CCDC192: variants seen among roughly 807,000 people sequenced by gnomAD.
CCDC192 encodes the protein coiled-coil domain-containing protein 192.
In CCDC192 at chr5:127,884,342, C is replaced by CAAAAAAAAAAAAAAAAAAAAAAA. The variant is rs778430655; in HGVS notation, c.535+8686_535+8708dup. Among the ~76,000 whole-genome samples, 9 of 11,852 alleles carry CAAAAAAAAAAAAAAAAAAAAAAA rather than the reference C, an allele frequency of 7.6e-4. 2 individuals carry two copies. Among genetic ancestry groups the CAAAAAAAAAAAAAAAAAAAAAAA allele is most frequent in the Admixed American group, 3.0e-3 (2 of 656 alleles). 7.8% of individuals were successfully genotyped at this position (11,852 alleles called of 152,430 possible). On this transcript the variant is annotated intron_variant, in intron 6 of 6. Coordinates refer to ENST00000514853, the MANE Select transcript of CCDC192 (RefSeq NM_001317938.2). ...TGGGCGACAGAGCAAGACTCCGTCT[C>CAAAAAAAAAAAAAAAAAAAAAAA]AAAAAAAAAAAAAAAAAAAAAAAAA...
At chr5:127,728,750 G>T (rs1271881323) in intron 2 of CCDC192, among the ~76,000 whole-genome samples, 1 of 152,106 alleles carries the variant, frequency 6.6e-6, no homozygotes, top group Non-Finnish European at 1.5e-5. Flanking sequence ...ACACAGAATG[G>T]CAGGCTGAAT....
At chr5:127,920,887 C>T (rs988667262) in intron 6 of CCDC192, among the ~76,000 whole-genome samples, 2 of 151,454 alleles carry the variant, frequency 1.3e-5, no homozygotes, top group Admixed American at 6.6e-5. Flanking sequence ...GGGGTGAAGC[C>T]CTATTTCTCC....
At chr5:127,732,834 C>A (rs936888626) in intron 2 of CCDC192, among the ~76,000 whole-genome samples, 2 of 151,988 alleles carry the variant, frequency 1.3e-5, no homozygotes, top group Non-Finnish European at 2.9e-5. Flanking sequence ...CACACTGGGG[C>A]CTGCAAGGGT....
chr5:127,754,472 T>TACACAC (rs368830307), intron 3 of CCDC192, 97 bp downstream of exon 3: 5 of 327,220 alleles, frequency 1.5e-5, no homozygotes, highest in African/African-American at 8.8e-5. Flanking sequence ...CCTCTACTGA[T>TACACAC]ACACACACAC....
At chr5:127,908,468 T>C (rs1753259002) in intron 6 of CCDC192, among the ~76,000 whole-genome samples, 1 of 152,206 alleles carries the variant, frequency 6.6e-6, no homozygotes, top group Non-Finnish European at 1.5e-5. Context: ...ATTCTTTTAC[T>C]TTCCCAAAAC....
chr5:127,897,277 C>G (rs936371604), intron 6 of CCDC192, among the ~76,000 whole-genome samples: 1 of 151,668 alleles, frequency 6.6e-6, no homozygotes, highest in Non-Finnish European at 1.5e-5. Context: ...TTCAGCCCCC[C>G]GAGAATAAAA....
At chr5:127,704,290 G>A (rs1312638023) in intron 1 of CCDC192, among the ~76,000 whole-genome samples, 2 of 152,222 alleles carry the variant, frequency 1.3e-5, no homozygotes, top group South Asian at 4.2e-4. Flanking sequence ...CCGGGTTCAA[G>A]TGATTCTCCC....
intron 5 of CCDC192, chr5:127,857,917 A>G (rs2127098174): frequency 1.3e-5 from 2 of 152,562 alleles, no homozygotes; most frequent in East Asian, 3.9e-4. Context: ...ATACCCTCAC[A>G]GCACATCTAT....
At chr5:127,749,647 T>A (rs1458384867) in intron 2 of CCDC192, among the ~76,000 whole-genome samples, 1 of 152,080 alleles carries the variant, frequency 6.6e-6, no homozygotes, top group African/African-American at 2.4e-5. Context: ...TAGGGAGGAT[T>A]CCCTCTTTTT....
chr5:127,716,944 C>T (rs995467035), intron 2 of CCDC192, among the ~76,000 whole-genome samples: 1 of 152,272 alleles, frequency 6.6e-6, no homozygotes, highest in South Asian at 2.1e-4. Context: ...GACTCTGTTT[C>T]CTGGAACCCT....
At chr5:127,723,353 T>A (rs1469389825) in intron 2 of CCDC192, among the ~76,000 whole-genome samples, 1 of 152,224 alleles carries the variant, frequency 6.6e-6, no homozygotes, top group Non-Finnish European at 1.5e-5. Context: ...TAATAGCTAT[T>A]TTTTATGAAG....
chr5:127,822,849 C>T (rs1245168155), intron 5 of CCDC192, among the ~76,000 whole-genome samples: 1 of 152,178 alleles, frequency 6.6e-6, no homozygotes, highest in Non-Finnish European at 1.5e-5. Flanking sequence ...AGGCTCTGCC[C>T]AAGTCCTCAG....
intron 5 of CCDC192, among the ~76,000 whole-genome samples, chr5:127,798,716 TA>T (rs982486233): frequency 1.3e-5 from 2 of 150,628 alleles, no homozygotes; most frequent in African/African-American, 4.9e-5. Flanking sequence ...ATACATTTTT[TA>T]TACATACATA....
chr5:127,786,496 C>A (rs1338011128), intron 3 of CCDC192: 6 of 629,710 alleles, frequency 9.5e-6, no homozygotes, highest in Non-Finnish European at 1.5e-5. Context: ...CCTTTTTGAT[C>A]AGCTTTGAAA....
chr5:127,711,094 A>G (rs2126779415), intron 2 of CCDC192, among the ~76,000 whole-genome samples: 1 of 152,364 alleles, frequency 6.6e-6, no homozygotes, highest in East Asian at 1.9e-4. Context: ...AAATAGGATC[A>G]CGACTGCTCC....
At chr5:127,835,527 C>T (rs569968625) in intron 5 of CCDC192, among the ~76,000 whole-genome samples, 5 of 152,218 alleles carry the variant, frequency 3.3e-5, no homozygotes, top group South Asian at 2.1e-4. Context: ...TTAGAATGTG[C>T]GTAGGTTTGT....
At chr5:127,867,812 G>A (rs182319102) in intron 5 of CCDC192, among the ~76,000 whole-genome samples, 60 of 152,200 alleles carry the variant, frequency 3.9e-4, no homozygotes, top group African/African-American at 1.4e-3. Context: ...TTGTATGATA[G>A]CTTCTTTCTT....
chr5:127,752,127 T>A (rs1754220454), intron 2 of CCDC192, among the ~76,000 whole-genome samples: 1 of 152,244 alleles, frequency 6.6e-6, no homozygotes, highest in Non-Finnish European at 1.5e-5. Flanking sequence ...TCAAAGTCAT[T>A]CTCCATCCAG....
At chr5:127,927,740 G>A (rs1753902646) in intron 6 of CCDC192, among the ~76,000 whole-genome samples, 1 of 152,100 alleles carries the variant, frequency 6.6e-6, no homozygotes, top group Admixed American at 6.5e-5. Flanking sequence ...ACCCTCAGTT[G>A]CCCTTAGTTG....
Sources: gnomAD v4.1 joint callset for allele counts (sites outside exome capture counted in the v4.1 genomes callset) on GRCh38, gnomAD v4.1.1 for gene constraint, MANE v1.5 for transcripts, NCBI Gene and HGNC (gene_info 2026-07-23, HGNC 2026-07-21) for gene names.